The following SYT3 variants were observed in gnomAD, a reference collection of about 807,000 sequenced individuals.
The protein encoded by SYT3 is synaptotagmin-3.
A neutral mutation model predicts 50.6 loss-of-function variants in SYT3; 25 were observed. The ratio of observed to expected loss-of-function variants is 0.49; its 90% CI spans 0.36 to 0.69. SYT3 has a LOEUF of 0.69. Ranked by LOEUF, SYT3 falls within the 30% of genes least tolerant of loss-of-function variation. SYT3 has a pLI of 0.00. For missense variants in SYT3, 589 were observed against 793.6 expected (o/e 0.74, Z 3.10); for synonymous variants, 323 against 353.9 (o/e 0.91, Z 0.98).
chr19:50,625,211 AT>A lies in SYT3; in HGVS notation c.1657del (p.Met553CysfsTer15). 6.2e-7 allele frequency: 1 copy of A among 1,601,062 alleles called. No individual in the cohort carries two copies. The highest frequency in any genetic ancestry group is 8.5e-7 in the Non-Finnish European group (1 of 1,177,376). Reference protein sequence around the residue: ...DPHGREHWAEMLANPRKPVEH... With the variant: ...DPHGREHWAEXLANPRKPVEH... ...CACGGGCTTGCGGGGATTGGCCAGC[AT>A]CTCTGCCCAGTGCTCGCGGCCGTGC... On this transcript the variant is annotated frameshift_variant, in exon 9 of 11. Coordinates refer to ENST00000600079, the MANE Select transcript of SYT3 (RefSeq NM_001160329.2). LOFTEE classifies it high-confidence loss of function. The surrounding 1 kb of genome is among the most constrained non-coding windows in gnomAD (Gnocchi z 7.5).
At chr19:50,653,278 A>G in the SYT3 span, among the ~76,000 whole-genome samples, 4 of 152,070 alleles carry the variant, frequency 2.6e-5, no homozygotes, top group East Asian at 1.9e-4. Context: ...AGCTCAGTCA[A>G]TCTGCCCACT....
chr19:50,624,848 A>C, intron 9 of SYT3: 1 of 266,928 alleles, frequency 3.7e-6, no homozygotes. Flanking sequence ...CACCACGCCC[A>C]GCCCCCTCTA....
upstream of SYT3, among the ~76,000 whole-genome samples, chr19:50,643,734 C>T (rs1274929041): frequency 6.6e-6 from 1 of 151,738 alleles, no homozygotes; most frequent in East Asian, 1.9e-4. Context: ...AGCAGGGATT[C>T]ATCTGGGAAC....
At chr19:50,626,248 G>A in intron 6 of SYT3, 1 of 499,656 alleles carries the variant, frequency 2.0e-6, no homozygotes, top group Non-Finnish European at 3.5e-6. Context: ...AAGCATGAGT[G>A]AGGGGAGAGA....
At chr19:50,641,350 T>G (rs1200896183), upstream of SYT3, among the ~76,000 whole-genome samples, 1 of 150,232 alleles carries the variant, frequency 6.7e-6, no homozygotes, top group African/African-American at 2.4e-5. Flanking sequence ...CGGCTAATTT[T>G]TTTTGTATTT....
rs769285279 is a variant in SYT3 at position 50,632,671 on chromosome 19, G to A, written c.289C>T (p.Arg97Cys). ...CCGACACCAGGGCCTAGGTCTTTGC[G>A]CAGGGGGCCACCGCCCACTGCCGAG... Reference protein sequence around the residue: ...GGSAVGGGPLRKDLGPGVGLA... With the variant: ...GGSAVGGGPLCKDLGPGVGLA... Residue 97 changes from arginine to cysteine, a missense_variant, in exon 4 of 11, where the codon CGC becomes TGC. By Grantham distance (180) the Arg-to-Cys change is radical (BLOSUM62 -3). Coordinates refer to ENST00000600079, the MANE Select transcript of SYT3 (RefSeq NM_001160329.2). This position sits in a 1 kb window ranked among gnomAD's most constrained non-coding sequence, Gnocchi z 4.7. 117 of 1,590,076 alleles carry A rather than the reference G, an allele frequency of 7.4e-5. No homozygotes were observed. The highest frequency in any genetic ancestry group is 1.7e-4 in the Middle Eastern group (1 of 6,028).
intron 2 of SYT3, chr19:50,638,174 C>G (rs1354968363): frequency 6.6e-6 from 1 of 152,306 alleles, no homozygotes; most frequent in Admixed American, 6.6e-5. Flanking sequence ...GAGGGCTCTC[C>G]CAAACCTGAA....
upstream of SYT3, among the ~76,000 whole-genome samples, chr19:50,641,545 C>T (rs563882381): frequency 1.1e-4 from 16 of 151,824 alleles, no homozygotes; most frequent in South Asian, 3.3e-3. Context: ...CAAAGCAAGA[C>T]CCCCATCTCA....
the SYT3 span, among the ~76,000 whole-genome samples, chr19:50,646,731 G>A: frequency 6.6e-6 from 1 of 152,088 alleles, no homozygotes; most frequent in African/African-American, 2.4e-5. Flanking sequence ...CATGGGGAAA[G>A]GTTGGAAGAG....
the SYT3 span, among the ~76,000 whole-genome samples, chr19:50,645,331 C>T: frequency 6.6e-6 from 1 of 151,630 alleles, no homozygotes; most frequent in Admixed American, 6.6e-5. Context: ...ACAGGCAAGG[C>T]GACAGAGAGG....
rs368599479 is a variant in SYT3 at position 50,629,396 on chromosome 19, C to T, written c.1179G>A (p.Ser393=). 12 of 1,613,844 alleles carry T rather than the reference C, an allele frequency of 7.4e-6. No homozygotes were observed. The highest frequency in any genetic ancestry group is 4.0e-5 in the African/African-American group (3 of 74,904). The change falls in exon 6 of 11, where the codon TCG becomes TCA. Residue 393 remains serine (S), a synonymous_variant. Transcript: ENST00000600079. ...HFSVYDFDRF[S]RHDLIGQVVL... The stretch of plus-strand genomic sequence containing the variant: ...CCACCTGGCCGATGAGGTCGTGCCG[C>T]GAGAAGCGGTCAAAGTCATAGACGC...
At position 50,629,452 on chromosome 19, in the gene SYT3, C is replaced by A. The variant is rs1346426570; in HGVS notation, c.1123G>T (p.Ala375Ser). 1.2e-6 allele frequency: 2 copies of A among 1,613,952 alleles called. No homozygotes were observed. The highest frequency in any genetic ancestry group is 2.7e-5 in the African/African-American group (2 of 74,910). ...TGCAGTTTGCGTTGGGCCAGCTCGG[C>A]CAGGGGCACCGAGAATTGAAACGTC... ...NETFQFSVPLAELAQRKLHFS... is the reference protein window; with the variant it reads ...NETFQFSVPLSELAQRKLHFS... Residue 375 changes from alanine (A) to serine (S), a missense_variant, in exon 6 of 11, where the codon GCC (alanine) becomes TCC (serine). By Grantham distance (99) the Ala-to-Ser change is moderately conservative. Around this residue, in one of 2 missense-constraint regions of SYT3, gnomAD observed 273 missense variants for 439.3 expected, o/e 0.62. Transcript: ENST00000600079.
upstream of SYT3, among the ~76,000 whole-genome samples, chr19:50,641,604 T>TGG (rs1984684434): frequency 6.6e-6 from 1 of 151,608 alleles, no homozygotes; most frequent in African/African-American, 2.4e-5. Flanking sequence ...CCTAGCACTT[T>TGG]GGGAGGCCAA....
Position 50,626,005 on chromosome 19 carries a change from G to C in SYT3, c.1294C>G (p.Leu432Val). Residue 432 changes from leucine to valine, a missense_variant, in exon 7 of 11, where the codon CTT becomes GTT. By Grantham distance (32) the Leu-to-Val change is conservative (BLOSUM62 1). This residue lies in a region of SYT3 where 273 missense variants were observed against 439.3 expected (regional missense o/e 0.62). Coordinates refer to ENST00000600079, the MANE Select transcript of SYT3 (RefSeq NM_001160329.2). ...CAGAGTGAGAAGTTGAGCTCCCCAA[G>C]ATCTGCTTTTTCCTGCAGTTGGGGA... ...IVEGGSEKADLGELNFSLCYL... is the reference protein window; with the variant it reads ...IVEGGSEKADVGELNFSLCYL... The C allele has an allele frequency of 1.2e-6, 2 of 1,613,880 alleles. No individual in the cohort carries two copies. Among genetic ancestry groups the C allele is most frequent in the South Asian group, 1.1e-5 (1 of 90,998 alleles).
Position 50,625,639 on chromosome 19 carries a change from C to T in SYT3, c.1403-75G>A, listed in dbSNP as rs1328539441. 2.7e-6 allele frequency: 4 copies of T among 1,481,054 alleles called. No individual in the cohort carries two copies. The highest frequency in any genetic ancestry group is 4.8e-5 in the East Asian group (2 of 41,912). The allele number at this position is 1,481,054 out of a possible 1,614,324, so 91.7% of individuals were successfully genotyped here. On this transcript the variant is annotated intron_variant, in intron 7 of 10. Coordinates refer to ENST00000600079, the MANE Select transcript of SYT3 (RefSeq NM_001160329.2). This position sits in a 1 kb window ranked among gnomAD's most constrained non-coding sequence, Gnocchi z 7.5. ...GGGGTCCAGGACCCCAGGCCCCGAG[C>T]CCCTCCTCCCTCAGACCCAGAGGTC...
rs1599818194 is a variant in SYT3 at position 50,632,424 on chromosome 19, A to C, written c.536T>G (p.Val179Gly). Reference protein sequence around the residue: ...EAAAAAVAAGVKPSQTSPELP... With the variant: ...EAAAAAVAAGGKPSQTSPELP... ...CTCAGGGGATGTTTGGCTCGGTTTG[A>C]CCCCAGCGGCCACTGCTGCTGCTGC... The change falls in exon 4 of 11, where the codon GTC becomes GGC. Residue 179 changes from valine (V) to glycine (G), a missense_variant. Physicochemically the swap from Val to Gly is moderately radical, Grantham distance 109. Transcript: ENST00000600079. This position sits in a 1 kb window ranked among gnomAD's most constrained non-coding sequence, Gnocchi z 4.7. 6.2e-7 allele frequency: 1 copy of C among 1,613,242 alleles called. No homozygotes were observed. Among genetic ancestry groups the C allele is most frequent in the Non-Finnish European group, 8.5e-7 (1 of 1,179,880 alleles).
At chr19:50,626,284 T>TGA (rs1464269622) in intron 6 of SYT3, 3 of 406,656 alleles carry the variant, frequency 7.4e-6, no homozygotes, top group South Asian at 2.4e-5. Flanking sequence ...ACAGAGAAGG[T>TGA]GAGAGAGAGA....
the SYT3 span, among the ~76,000 whole-genome samples, chr19:50,653,733 CACACACACGTT>C: frequency 1.5e-5 from 2 of 136,188 alleles, no homozygotes; most frequent in Non-Finnish European, 3.1e-5. Context: ...CACACACACA[CACACACACGTT>C]GTCTCAGTAG....
Position 50,625,053 on chromosome 19 carries a change from A to G in SYT3, c.1707+109T>C. The G allele has an allele frequency of 8.2e-7, 1 of 1,224,614 alleles. No individual in the cohort carries two copies. The highest frequency in any genetic ancestry group is 2.8e-5 in the East Asian group (1 of 35,146). The allele number at this position is 1,224,614 out of a possible 1,614,324, so 75.9% of individuals were successfully genotyped here. A position where few individuals can be genotyped will look rare whatever the true frequency, so the allele number is the denominator to read the frequency against. On this transcript the variant is annotated intron_variant, in intron 9 of 10. Transcript: ENST00000600079. This position sits in a 1 kb window ranked among gnomAD's most constrained non-coding sequence, Gnocchi z 7.5. ...GTTGGCACAGCAGGGATTGAAACCTAGGACGCCTGGCTCTGCGACTCACGA... is the reference window on the plus strand; with the variant it reads ...GTTGGCACAGCAGGGATTGAAACCTGGGACGCCTGGCTCTGCGACTCACGA...
Sources: gnomAD v4.1 joint callset for allele counts (sites outside exome capture counted in the v4.1 genomes callset) on GRCh38, gnomAD v4.1.1 for gene constraint, gnomAD v4.1.1 regional missense constraint, Gnocchi (gnomAD v3.1) non-coding constraint, MANE v1.5 for transcripts, NCBI Gene and HGNC (gene_info 2026-07-23, HGNC 2026-07-21) for gene names.